Variants in FER observed in about 807,000 individuals in gnomAD.
FER encodes tyrosine-protein kinase Fer.
Under a neutral mutation model 111.0 loss-of-function variants are expected in FER, and 63 were observed. The ratio of observed to expected loss-of-function variants is 0.57; its 90% CI spans 0.46 to 0.70. The LOEUF is 0.70. Ranked by LOEUF, FER falls within the 30% of genes least tolerant of loss-of-function variation. The probability of loss-of-function intolerance (pLI) is 0.00; values close to 1 mark genes in which losing one functional copy is unlikely to be tolerated. For missense variants in FER, 914 were observed against 954.0 expected (o/e 0.96, Z 0.55); for synonymous variants, 327 against 313.9 (o/e 1.04, Z -0.44).
chr5:109,007,390 C>G (rs1174503716), intron 13 of FER, among the ~76,000 whole-genome samples: 1 of 152,156 alleles, frequency 6.6e-6, no homozygotes, highest in Non-Finnish European at 1.5e-5. Flanking sequence ...TAGACAAATT[C>G]ATATAGTTGT....
At chr5:109,009,820 T>A (rs1766011791) in intron 13 of FER, among the ~76,000 whole-genome samples, 1 of 152,186 alleles carries the variant, frequency 6.6e-6, no homozygotes, top group African/African-American at 2.4e-5. Flanking sequence ...ATGGGTTCAG[T>A]TGAGACAGCT....
intron 13 of FER, among the ~76,000 whole-genome samples, chr5:109,010,813 A>G (rs1261552574): frequency 1.1e-4 from 17 of 152,128 alleles, no homozygotes; most frequent in African/African-American, 3.1e-4. Flanking sequence ...TCAGGTTTCC[A>G]TTATTCTTTG....
intron 17 of FER, among the ~76,000 whole-genome samples, chr5:109,154,767 A>G (rs780844227): frequency 5.3e-5 from 8 of 151,946 alleles, no homozygotes; most frequent in Non-Finnish European, 1.0e-4. Context: ...TAAAATGAAA[A>G]AATGACTCAT....
At chr5:108,810,619 A>G (rs1365211852) in intron 3 of FER, among the ~76,000 whole-genome samples, 1 of 152,204 alleles carries the variant, frequency 6.6e-6, no homozygotes, top group Non-Finnish European at 1.5e-5. Flanking sequence ...ATGCCTAGAC[A>G]TGGAGAGTAC....
intron 17 of FER, among the ~76,000 whole-genome samples, chr5:109,157,478 G>T (rs576670788): frequency 4.9e-4 from 74 of 151,186 alleles, no homozygotes; most frequent in Middle Eastern, 3.4e-3. Context: ...GTACATTGCT[G>T]TTGCTAGTGT....
At chr5:109,145,523 A>G (rs1409235142) in intron 17 of FER, among the ~76,000 whole-genome samples, 3 of 151,870 alleles carry the variant, frequency 2.0e-5, no homozygotes, top group Non-Finnish European at 4.4e-5. Flanking sequence ...CAACCCCCGC[A>G]ACTTTTCTCC....
chr5:109,079,950 G>T (rs1776796738), intron 16 of FER, among the ~76,000 whole-genome samples: 1 of 152,194 alleles, frequency 6.6e-6, no homozygotes, highest in South Asian at 2.1e-4. Flanking sequence ...TTGTTTGCCA[G>T]CCTGTTGAGT....
intron 17 of FER, among the ~76,000 whole-genome samples, chr5:109,153,439 C>A (rs1335983827): frequency 6.6e-6 from 1 of 151,666 alleles, no homozygotes; most frequent in East Asian, 1.9e-4. Context: ...CAACAAAATT[C>A]ATTCTAAAAC....
intron 13 of FER, among the ~76,000 whole-genome samples, chr5:108,996,270 A>T (rs1457359813): frequency 6.6e-6 from 1 of 152,092 alleles, no homozygotes; most frequent in African/African-American, 2.4e-5. Context: ...GTTTAATTTG[A>T]TCCCATTTGT....
At chr5:108,920,278 C>T (rs539289511) in intron 10 of FER, among the ~76,000 whole-genome samples, 1 of 152,126 alleles carries the variant, frequency 6.6e-6, no homozygotes, top group East Asian at 1.9e-4. Context: ...TATCACCCTG[C>T]AACTTGGTTT....
chr5:109,147,503 A>C (rs944044841), intron 17 of FER, among the ~76,000 whole-genome samples: 4 of 152,042 alleles, frequency 2.6e-5, no homozygotes, highest in Non-Finnish European at 5.9e-5. Flanking sequence ...ATAGTTTTCA[A>C]AAAAAGAAAA....
intron 13 of FER, among the ~76,000 whole-genome samples, chr5:109,017,895 A>G (rs907157289): frequency 1.6e-4 from 25 of 151,794 alleles, no homozygotes; most frequent in African/African-American, 5.1e-4. Flanking sequence ...TTCCCTGACA[A>G]CCTCCATCTG....
chr5:109,111,885 CAT>C (rs1434941959), intron 17 of FER, among the ~76,000 whole-genome samples: 1 of 152,118 alleles, frequency 6.6e-6, no homozygotes, highest in Non-Finnish European at 1.5e-5. Flanking sequence ...GGTGGGGAAA[CAT>C]AGCGACACCA....
chr5:109,051,954 G>C, intron 16 of FER: 1 of 1,589,126 alleles, frequency 6.3e-7, no homozygotes. Flanking sequence ...GGATCAGCAA[G>C]GTCACCTCAA....
At chr5:109,027,722 G>T (rs181884798) in intron 13 of FER, among the ~76,000 whole-genome samples, 2 of 152,248 alleles carry the variant, frequency 1.3e-5, no homozygotes, top group East Asian at 3.9e-4. Flanking sequence ...AGCACAGTTA[G>T]TCCCTGCAGC....
At chr5:109,083,186 G>T (rs748817900) in intron 16 of FER, among the ~76,000 whole-genome samples, 6 of 151,970 alleles carry the variant, frequency 3.9e-5, no homozygotes, top group Non-Finnish European at 7.4e-5. Context: ...ACTTGAGAAA[G>T]CTCTTCATTT....
chr5:108,851,436 C>T (rs756748323), intron 5 of FER, among the ~76,000 whole-genome samples: 1 of 152,180 alleles, frequency 6.6e-6, no homozygotes, highest in African/African-American at 2.4e-5. Context: ...CCTCCCACAA[C>T]ATGTGGGAAT....
intron 9 of FER, among the ~76,000 whole-genome samples, chr5:108,886,651 G>T (rs927729313): frequency 6.6e-6 from 1 of 151,456 alleles, no homozygotes; most frequent in African/African-American, 2.4e-5. Context: ...CATATTATTT[G>T]CTTGATCTTA....
At chr5:108,790,224 A>G (rs1339434219) in intron 2 of FER, among the ~76,000 whole-genome samples, 4 of 128,358 alleles carry the variant, frequency 3.1e-5, no homozygotes, top group Middle Eastern at 3.8e-3. Context: ...GTATACATAT[A>G]TGCATACACA....
Sources: gnomAD v4.1 joint callset for allele counts (sites outside exome capture counted in the v4.1 genomes callset) on GRCh38, gnomAD v4.1.1 for gene constraint, MANE v1.5 for transcripts, NCBI Gene and HGNC (gene_info 2026-07-23, HGNC 2026-07-21) for gene names.